SLF1: variants seen among roughly 807,000 people sequenced by gnomAD.
SLF1 encodes SMC5-SMC6 complex localization factor protein 1.
SLF1 carries 105 observed loss-of-function variants against 123.0 expected under a neutral mutation model. The ratio of observed to expected loss-of-function variants is 0.85; its 90% CI spans 0.73 to 1.00. The LOEUF (loss-of-function observed/expected upper bound fraction) is 1.00, where lower values mean the gene tolerates loss of function less well. Ranked by LOEUF, SLF1 falls within the 50% of genes least tolerant of loss-of-function variation. SLF1 has a pLI of 0.00. For missense variants in SLF1, 1,239 were observed against 1,223.0 expected, an observed-to-expected ratio of 1.01 and a Z score of -0.20; for synonymous variants, 434 against 406.6, an observed-to-expected ratio of 1.07 and a Z score of -0.81.
chr5:94,691,422 G>A (rs1585245411), intron 18 of SLF1, 142 bp from the exon 19 acceptor site: 1 of 409,944 alleles, frequency 2.4e-6, no homozygotes, highest in South Asian at 3.9e-5. Flanking sequence ...TTAAATGCAG[G>A]GGATGTTTAA....
intron 5 of SLF1, among the ~76,000 whole-genome samples, chr5:94,643,824 A>T (rs1201180193): frequency 1.3e-5 from 2 of 152,098 alleles, no homozygotes; most frequent in African/African-American, 4.8e-5. Context: ...GGTGTGGATG[A>T]TGCTCCTCAA....
chr5:94,657,910 T>C (rs1200077061), intron 9 of SLF1, among the ~76,000 whole-genome samples: 1 of 152,112 alleles, frequency 6.6e-6, no homozygotes, highest in East Asian at 1.9e-4. Context: ...TTTTCCATTC[T>C]TCTTCACTTT....
At position 94,696,570 on chromosome 5, in the gene SLF1, C is replaced by G. The variant is rs1753523247; in HGVS notation, c.*1258C>G. On this transcript the variant is annotated 3_prime_UTR_variant, in exon 21 of 21. Transcript: ENST00000265140. ...CAAAAAATGATATAGTGAAGACTAT[C>G]TAAGAAGAGTTTAAATGCTTATAGA... is the stretch of plus-strand genomic sequence containing the variant. The G allele has an allele frequency of 6.6e-6, 1 of 151,786 alleles. No individual in the cohort carries two copies. Among genetic ancestry groups the G allele is most frequent in the South Asian group, 2.1e-4 (1 of 4,820 alleles). 9.4% of individuals were successfully genotyped at this position (151,786 alleles called of 1,614,324 possible). A position where few individuals can be genotyped will look rare whatever the true frequency, so the allele number is the denominator to read the frequency against.
At chr5:94,662,466 A>G in intron 10 of SLF1, 115 bp downstream of exon 10, 3 of 741,808 alleles carry the variant, frequency 4.0e-6, no homozygotes, top group South Asian at 4.0e-5. Context: ...GTAACGTATT[A>G]TATGCACAAA....
At chr5:94,669,951 T>G (rs1411524025) in intron 12 of SLF1, among the ~76,000 whole-genome samples, 200 bp from the exon 13 acceptor site, 2 of 151,914 alleles carry the variant, frequency 1.3e-5, no homozygotes, top group Non-Finnish European at 1.5e-5. Flanking sequence ...ATCTATTTAT[T>G]AAGAATTAAG....
chr5:94,661,734 G>T (rs1749145260), intron 9 of SLF1, among the ~76,000 whole-genome samples: 1 of 151,942 alleles, frequency 6.6e-6, no homozygotes, highest in South Asian at 2.1e-4. Context: ...ACGGGGTTTT[G>T]CCATGTTGGC....
chr5:94,669,690 A>C lies in SLF1; in HGVS notation c.1533-461A>C, dbSNP rs373596780. On this transcript the variant is annotated intron_variant, in intron 12 of 20. Coordinates refer to ENST00000265140, the MANE Select transcript of SLF1 (RefSeq NM_032290.4). ...AAGACAGAAAGAAAATAAAATAATG[A>C]ATATTAAAAACGCTAAAAAAGTAGC... 8.4e-5 allele frequency among the ~76,000 whole-genome samples: 10 copies of C among 119,596 alleles called. No individual in the cohort carries two copies. The East Asian group carries it at 2.5e-3, about 29-fold the overall frequency. 78.5% of individuals were successfully genotyped at this position (119,596 alleles called of 152,430 possible).
rs1745091624 is a variant in SLF1, at chr5:94,630,570, A to G, written c.258A>G (p.Thr86=). ...SAKSGRWLDE[T]TYEWGYKIEK... Reference sequence around the variant, plus strand: ...AAAGTGGCAGATGGCTTGATGAAACAACTTATGAATGGGGATATAAAATTG... The same window carrying G: ...AAAGTGGCAGATGGCTTGATGAAACGACTTATGAATGGGGATATAAAATTG... The change falls in exon 4 of 21, where the codon ACA becomes ACG. Residue 86 remains threonine (T), a synonymous_variant. Transcript: ENST00000265140. The G allele has an allele frequency of 6.4e-7, 1 of 1,551,564 alleles. No homozygotes were observed. The highest frequency in any genetic ancestry group is 1.2e-5 in the South Asian group (1 of 84,072).
intron 14 of SLF1, among the ~76,000 whole-genome samples, chr5:94,673,889 G>T (rs1459010516): frequency 1.3e-5 from 2 of 151,808 alleles, no homozygotes; most frequent in Non-Finnish European, 2.9e-5. Flanking sequence ...AGTATAGCTA[G>T]ATTTGTTTGT....
intron 4 of SLF1, among the ~76,000 whole-genome samples, chr5:94,642,331 G>A (rs1249294477): frequency 6.6e-6 from 1 of 152,192 alleles, no homozygotes; most frequent in African/African-American, 2.4e-5. Flanking sequence ...GTGGCAAAGA[G>A]CATGCTAGCG....
At chr5:94,680,903 T>C (rs1057022609) in intron 15 of SLF1, among the ~76,000 whole-genome samples, 19 of 152,238 alleles carry the variant, frequency 1.2e-4, no homozygotes, top group Non-Finnish European at 1.5e-5. Context: ...GTTACTATTA[T>C]GATCCTGTCA....
chr5:94,644,706 A>G (rs560228593), intron 5 of SLF1, among the ~76,000 whole-genome samples: 1 of 152,252 alleles, frequency 6.6e-6, no homozygotes, highest in South Asian at 2.1e-4. Flanking sequence ...AGCCTCCTTG[A>G]TCCCCTTACT....
Position 94,669,999 on chromosome 5 carries a change from G to A in SLF1, c.1533-152G>A, listed in dbSNP as rs546935754. Among the ~76,000 whole-genome samples, 264 of 151,966 alleles carry A rather than the reference G, an allele frequency of 1.7e-3. 1 individual carries two copies. The highest frequency in any genetic ancestry group is 5.9e-3 in the African/African-American group (246 of 41,504). ...ATTTGACATTGTTTAATTTTTGAAG[G>A]AAGAAATATATTCATAAAATTTTGT... On this transcript the variant is annotated intron_variant, in intron 12 of 20. Coordinates refer to ENST00000265140, the MANE Select transcript of SLF1 (RefSeq NM_032290.4).
chr5:94,625,386 T>C (rs2152463319), intron 1 of SLF1, among the ~76,000 whole-genome samples: 1 of 151,958 alleles, frequency 6.6e-6, no homozygotes, highest in East Asian at 1.9e-4. Flanking sequence ...TAATTTTATT[T>C]ATTTATTTAT....
chr5:94,663,761 T>A lies in SLF1; in HGVS notation c.1221T>A (p.Ala407=), dbSNP rs1408438034. Residue 407 remains alanine, a synonymous_variant, in exon 11 of 21, where the codon GCT becomes GCA. Coordinates refer to ENST00000265140, the MANE Select transcript of SLF1 (RefSeq NM_032290.4). ...CTTTCCTTTCTTAGGTTAAAAATGC[T>A]GAATTTCCCAGAGGTGTATTAAATT... ...QPVYNVEVKN[A]EFPRGVLNLI... 2 of 1,527,916 alleles carry A rather than the reference T, an allele frequency of 1.3e-6. No homozygotes were observed. The highest frequency in any genetic ancestry group is 1.8e-6 in the Non-Finnish European group (2 of 1,138,922). 94.6% of individuals were successfully genotyped at this position (1,527,916 alleles called of 1,614,324 possible).
In SLF1 at chr5:94,651,799, TTG is replaced by T. The variant is rs766263784; in HGVS notation, c.838_839del (p.Val280Ter). The T allele has an allele frequency of 1.5e-5, 23 of 1,509,220 alleles. No individual in the cohort carries two copies. Among genetic ancestry groups the T allele is most frequent in the South Asian group, 2.6e-5 (2 of 77,494 alleles). The allele number at this position is 1,509,220 out of a possible 1,614,324, so 93.5% of individuals were successfully genotyped here. ...AGTGGTTCCAGTAAAGATTTGAAAT[TTG>T]TTAAAATGAGAAATACCTTTGGAAG... is the stretch of plus-strand genomic sequence containing the variant. On this transcript the variant is annotated frameshift_variant, in exon 7 of 21. Transcript: ENST00000265140. LOFTEE classifies it high-confidence loss of function.
chr5:94,637,587 C>G (rs1425809951), intron 4 of SLF1, among the ~76,000 whole-genome samples: 1 of 151,888 alleles, frequency 6.6e-6, no homozygotes, highest in Non-Finnish European at 1.5e-5. Flanking sequence ...ATGCTTAGTA[C>G]AAATTACAAC....
In SLF1 at chr5:94,693,809, C is replaced by G. The variant is rs1308073675; in HGVS notation, c.2696-1022C>G. ...TGGAACAATTTTTTTGAGATGTTGG[C>G]ACAGTGAAAAGGAGCCTAATTTTGT... On this transcript the variant is annotated intron_variant, in intron 20 of 20. Coordinates refer to ENST00000265140, the MANE Select transcript of SLF1 (RefSeq NM_032290.4). 3.3e-5 allele frequency among the ~76,000 whole-genome samples: 5 copies of G among 149,918 alleles called. No individual in the cohort carries two copies. In the South Asian group the frequency reaches 1.0e-3, roughly 31 times the overall value.
intron 10 of SLF1, 59 bp from the exon 11 acceptor site, chr5:94,663,691 A>G (rs949052172): frequency 1.5e-6 from 2 of 1,303,018 alleles, no homozygotes; most frequent in South Asian, 3.2e-5. Context: ...CTAATTCATG[A>G]TTTGATTGCA....
Sources: allele counts gnomAD v4.1 joint callset (sites outside exome capture counted in the v4.1 genomes callset), GRCh38; gene constraint gnomAD v4.1.1; transcripts MANE v1.5; gene names NCBI Gene and HGNC (gene_info 2026-07-23, HGNC 2026-07-21).